The following GRIA1 variants were observed in gnomAD, a reference collection of about 807,000 sequenced individuals.
GRIA1 encodes the protein glutamate ionotropic receptor AMPA type subunit 1, also known as glutamate receptor 1.
GRIA1 carries 31 observed loss-of-function variants against 99.2 expected under a neutral mutation model. The observed-to-expected ratio is 0.31, with a 90% CI of 0.23 to 0.42. The LOEUF is 0.42. Ranked by LOEUF, GRIA1 falls within the 10% of genes least tolerant of loss-of-function variation. The pLI is 1.00. For synonymous variants in GRIA1, 438 were observed against 432.4 expected (o/e 1.01, Z -0.16); for missense variants, 782 against 1,157.5 (o/e 0.68, Z 4.71).
chr5:153,733,990 C>T (rs1440207824), intron 11 of GRIA1, among the ~76,000 whole-genome samples: 3 of 152,214 alleles, frequency 2.0e-5, no homozygotes, highest in Non-Finnish European at 4.4e-5. Flanking sequence ...ACTTGAACTA[C>T]ACTTTATACC....
At chr5:153,535,010 C>T (rs1758435706) in intron 2 of GRIA1, among the ~76,000 whole-genome samples, 1 of 152,000 alleles carries the variant, frequency 6.6e-6, no homozygotes, top group African/African-American at 2.4e-5. Context: ...TAACTTTTAC[C>T]TCCTGGGTTC....
At position 153,503,011 on chromosome 5, in the gene GRIA1, C is replaced by A. The variant is rs137929915; in HGVS notation, c.220+8946C>A. Among the ~76,000 whole-genome samples, 6 of 152,240 alleles carry A rather than the reference C, an allele frequency of 3.9e-5. No homozygotes were observed. The South Asian group carries it at 8.3e-4, about 21-fold the overall frequency. ...AACATGATTTTTTGCATATTACAAC[C>A]TTTAGGCTACTTTTATTATTGCACA... On this transcript the variant is annotated intron_variant, in intron 2 of 15. Transcript: ENST00000285900.
intron 8 of GRIA1, among the ~76,000 whole-genome samples, chr5:153,689,685 C>T (rs899527085): frequency 2.0e-5 from 3 of 152,154 alleles, no homozygotes; most frequent in Non-Finnish European, 2.9e-5. Flanking sequence ...AAGTGAGAGA[C>T]ATTGGGCTGT....
chr5:153,807,764 C>G lies in GRIA1; in HGVS notation c.2521-3261C>G, dbSNP rs142361189. 6.0e-4 allele frequency among the ~76,000 whole-genome samples: 92 copies of G among 152,342 alleles called. 1 individual carries two copies. Among genetic ancestry groups the G allele is most frequent in the Admixed American group, 3.0e-3 (46 of 15,306 alleles). On this transcript the variant is annotated intron_variant, in intron 15 of 15. Coordinates refer to ENST00000285900, the MANE Select transcript of GRIA1 (RefSeq NM_000827.4). ...ATAAAATCTCAGGTCCCCTGCCCCT[C>G]CCCTCTGCCTGGGCAAACAGACTGG... is the stretch of plus-strand genomic sequence containing the variant.
chr5:153,687,827 A>T (rs1334782892), intron 8 of GRIA1, among the ~76,000 whole-genome samples: 1 of 152,222 alleles, frequency 6.6e-6, no homozygotes, highest in African/African-American at 2.4e-5. Context: ...CATTAAGGCT[A>T]TGTCAGTTGT....
At chr5:153,614,663 A>G (rs774005824) in intron 2 of GRIA1, among the ~76,000 whole-genome samples, 75 of 152,360 alleles carry the variant, frequency 4.9e-4, no homozygotes, top group African/African-American at 1.6e-3. Context: ...AGTGAAAAAT[A>G]TACCTTAATC....
chr5:153,714,524 G>A (rs1759533069), intron 11 of GRIA1, among the ~76,000 whole-genome samples: 1 of 152,118 alleles, frequency 6.6e-6, no homozygotes, highest in Admixed American at 6.5e-5. Flanking sequence ...ACCTATTTAT[G>A]GCTAGCTACA....
At chr5:153,685,553 C>G (rs1239996196) in intron 7 of GRIA1, among the ~76,000 whole-genome samples, 1 of 152,148 alleles carries the variant, frequency 6.6e-6, no homozygotes, top group Non-Finnish European at 1.5e-5. Context: ...AGTTTTCACA[C>G]CACTTTCACA....
At chr5:153,621,194 G>T (rs1767010101) in intron 2 of GRIA1, among the ~76,000 whole-genome samples, 1 of 152,106 alleles carries the variant, frequency 6.6e-6, no homozygotes, top group East Asian at 1.9e-4. Flanking sequence ...GCTTTCTGTG[G>T]CATCTATATC....
intron 2 of GRIA1, among the ~76,000 whole-genome samples, chr5:153,498,226 G>A (rs1363559729): frequency 2.0e-5 from 3 of 152,190 alleles, no homozygotes; most frequent in South Asian, 4.2e-4. Context: ...CATCTACATG[G>A]CCTCTTTCCC....
At position 153,686,273 on chromosome 5, in the gene GRIA1, C is replaced by T. The variant is rs752700990; in HGVS notation, c.1078C>T (p.Arg360Cys). 6 of 1,613,984 alleles carry T rather than the reference C, an allele frequency of 3.7e-6. No individual in the cohort carries two copies. Among genetic ancestry groups the T allele is most frequent in the East Asian group, 2.2e-5 (1 of 44,870 alleles). ...TGNVQFNEKG[R>C]RTNYTLHVIE... ...AAACGTGCAGTTTAATGAGAAAGGACGCCGGACCAACTACACGCTCCACGT... is the reference window on the plus strand; with the variant it reads ...AAACGTGCAGTTTAATGAGAAAGGATGCCGGACCAACTACACGCTCCACGT... The change falls in exon 8 of 16, where the codon CGC becomes TGC. Residue 360 changes from arginine (R) to cysteine (C), a missense_variant. Around this residue, in one of 5 missense-constraint regions of GRIA1, gnomAD observed 461 missense variants for 521.7 expected, o/e 0.88. Coordinates refer to ENST00000285900, the MANE Select transcript of GRIA1 (RefSeq NM_000827.4).
intron 11 of GRIA1, among the ~76,000 whole-genome samples, chr5:153,725,050 C>T (rs1196759133): frequency 3.9e-5 from 6 of 152,260 alleles, no homozygotes; most frequent in South Asian, 2.1e-4. Context: ...GCGGATCTCT[C>T]GGCAGAAACT....
At chr5:153,609,850 C>T (rs1438164340) in intron 2 of GRIA1, among the ~76,000 whole-genome samples, 12 of 152,032 alleles carry the variant, frequency 7.9e-5, no homozygotes, top group Admixed American at 5.2e-4. Context: ...CATGAGCCAC[C>T]GAGCCCAGCC....
intron 2 of GRIA1, among the ~76,000 whole-genome samples, chr5:153,529,981 G>C (rs138618933): frequency 3.9e-5 from 6 of 152,130 alleles, no homozygotes; most frequent in South Asian, 2.1e-4. Flanking sequence ...TTCTGTGGTG[G>C]CCTCACTGGG....
chr5:153,552,349 G>T (rs1760229053), intron 2 of GRIA1, among the ~76,000 whole-genome samples: 1 of 152,070 alleles, frequency 6.6e-6, no homozygotes, highest in Admixed American at 6.6e-5. Context: ...TCTCCAGTTT[G>T]CTGCTGTCCA....
chr5:153,606,924 CT>C (rs1692084369), intron 2 of GRIA1, among the ~76,000 whole-genome samples: 1 of 104,162 alleles, frequency 9.6e-6, no homozygotes, highest in Non-Finnish European at 2.1e-5. Flanking sequence ...GTGTAATTTT[CT>C]TTTCTTACAA....
At chr5:153,692,752 A>T (rs1757851044) in intron 8 of GRIA1, among the ~76,000 whole-genome samples, 2 of 152,180 alleles carry the variant, frequency 1.3e-5, no homozygotes, top group African/African-American at 4.8e-5. Flanking sequence ...TATTATATTC[A>T]CAGTGCCTAG....
intron 2 of GRIA1, among the ~76,000 whole-genome samples, chr5:153,510,802 A>G (rs1005264174): frequency 2.0e-5 from 3 of 152,206 alleles, no homozygotes; most frequent in African/African-American, 7.2e-5. Flanking sequence ...CAAATGATGC[A>G]GAATATCCAC....
intron 2 of GRIA1, among the ~76,000 whole-genome samples, chr5:153,555,688 T>C (rs1449991502): frequency 6.6e-6 from 1 of 152,120 alleles, no homozygotes; most frequent in East Asian, 1.9e-4. Context: ...CAGAGACTGA[T>C]CTAGAAGGCT....
Sources: gnomAD v4.1 joint callset for allele counts (sites outside exome capture counted in the v4.1 genomes callset) on GRCh38, gnomAD v4.1.1 for gene constraint, gnomAD v4.1.1 regional missense constraint, MANE v1.5 for transcripts, NCBI Gene and HGNC (gene_info 2026-07-23, HGNC 2026-07-21) for gene names.